OCA2: variants seen among roughly 807,000 people sequenced by gnomAD.
OCA2 encodes the protein OCA2 melanosomal transmembrane protein.
A neutral mutation model predicts 100.2 loss-of-function variants in OCA2; 77 were observed. That is an observed-to-expected ratio of 0.77 (90% CI 0.64 to 0.93). OCA2 has a LOEUF of 0.93. Ranked by LOEUF, OCA2 falls within the 40% of genes least tolerant of loss-of-function variation. The pLI is 0.00. For missense variants in OCA2, 1,062 were observed against 1,089.1 expected (o/e 0.98, Z 0.35); for synonymous variants, 432 against 439.2 (o/e 0.98, Z 0.21).
chr15:27,913,875 G>GAAAGAAAGAAAGAA (rs2038522815), intron 19 of OCA2, among the ~76,000 whole-genome samples: 10 of 52,650 alleles, frequency 1.9e-4, no homozygotes, highest in Admixed American at 9.6e-4. Context: ...AAGAAAGAAA[G>GAAAGAAAGAAAGAA]AAAGAAAGAA....
chr15:28,003,950 C>A (rs1387951237), intron 9 of OCA2, among the ~76,000 whole-genome samples: 2 of 152,238 alleles, frequency 1.3e-5, no homozygotes, highest in African/African-American at 2.4e-5. Flanking sequence ...AGGGACTCAA[C>A]CTGTCCCTTC....
At chr15:27,724,665 A>ATCC in the OCA2 span, among the ~76,000 whole-genome samples, 2 of 152,050 alleles carry the variant, frequency 1.3e-5, no homozygotes, top group Non-Finnish European at 2.9e-5. Context: ...AGAAACCTCC[A>ATCC]TCAGAGTCCG....
chr15:27,993,119 G>A (rs569261147), intron 9 of OCA2, among the ~76,000 whole-genome samples: 201 of 152,166 alleles, frequency 1.3e-3, no homozygotes, highest in Admixed American at 3.9e-3. Flanking sequence ...GCGAGACCCC[G>A]TCTCAAACAA....
At chr15:28,092,177 T>C (rs894655085) in intron 1 of OCA2, among the ~76,000 whole-genome samples, 63 of 152,024 alleles carry the variant, frequency 4.1e-4, no homozygotes, top group African/African-American at 1.4e-3. Context: ...GGTAAATCCA[T>C]AGGGAAATAA....
intron 23 of OCA2, among the ~76,000 whole-genome samples, chr15:27,834,283 T>C (rs2035066941): frequency 6.6e-6 from 1 of 152,194 alleles, no homozygotes. Context: ...TCCATGTTGG[T>C]GAACGAATTC....
intron 15 of OCA2, among the ~76,000 whole-genome samples, chr15:27,959,231 T>G (rs2040331323): frequency 6.6e-6 from 1 of 152,236 alleles, no homozygotes; most frequent in Non-Finnish European, 1.5e-5. Context: ...ATATGGATGC[T>G]TTGTAGCTTA....
chr15:28,012,339 G>A (rs1360548449), intron 9 of OCA2, among the ~76,000 whole-genome samples: 6 of 152,170 alleles, frequency 3.9e-5, no homozygotes, highest in South Asian at 2.1e-4. Context: ...AGAACAAGCC[G>A]TGTAGGGAGA....
intron 15 of OCA2, among the ~76,000 whole-genome samples, chr15:27,963,728 C>G (rs1351664299): frequency 6.6e-6 from 1 of 151,384 alleles, no homozygotes; most frequent in East Asian, 1.9e-4. Context: ...AATAAGCAAG[C>G]CTGAAAGTAA....
At chr15:27,993,302 A>C (rs1237564584) in intron 9 of OCA2, among the ~76,000 whole-genome samples, 27 of 152,166 alleles carry the variant, frequency 1.8e-4, no homozygotes, top group Admixed American at 1.8e-3. Flanking sequence ...GAACTATGAT[A>C]ATCCACTTTG....
At chr15:27,982,710 T>C (rs2041208044) in intron 14 of OCA2, among the ~76,000 whole-genome samples, 1 of 152,058 alleles carries the variant, frequency 6.6e-6, no homozygotes, top group South Asian at 2.1e-4. Context: ...ATAACACCAA[T>C]GTGGAAGCAT....
intron 2 of OCA2, among the ~76,000 whole-genome samples, chr15:28,066,117 C>A (rs1198108567): frequency 1.3e-5 from 2 of 151,936 alleles, no homozygotes; most frequent in Admixed American, 1.3e-4. Flanking sequence ...TTTTATGTAC[C>A]AACACTGAAC....
intron 2 of OCA2, among the ~76,000 whole-genome samples, chr15:28,079,863 G>A (rs1448967761): frequency 9.2e-5 from 14 of 151,980 alleles, no homozygotes; most frequent in Admixed American, 8.5e-4. Context: ...GCACCTGTCA[G>A]CACCTCCCCA....
At chr15:28,071,405 G>GA (rs1299609971) in intron 2 of OCA2, among the ~76,000 whole-genome samples, 2 of 152,112 alleles carry the variant, frequency 1.3e-5, no homozygotes, top group Non-Finnish European at 2.9e-5. Context: ...TACAGATTCA[G>GA]AAAAAACACT....
rs143530599 is a variant in OCA2 at position 27,836,479 on chromosome 15, C to T, written c.2432+8480G>A. On this transcript the variant is annotated intron_variant, in intron 23 of 23. Transcript: ENST00000354638. ...AAATATAACATGTGGATGAGACTAA[C>T]TTTGAAATTTACGTTCAGAAAATAT... Among the ~76,000 whole-genome samples the T allele has an allele frequency of 6.6e-3, 1,005 of 152,132 alleles. 17 individuals carry two copies. Among genetic ancestry groups the T allele is most frequent in the African/African-American group, 0.023 (946 of 41,494 alleles).
At chr15:28,074,159 C>A (rs1222335049) in intron 2 of OCA2, among the ~76,000 whole-genome samples, 2 of 152,178 alleles carry the variant, frequency 1.3e-5, no homozygotes, top group African/African-American at 4.8e-5. Flanking sequence ...AGGGCTCACA[C>A]CATTTGATTT....
At chr15:27,974,653 A>C (rs557827735) in intron 14 of OCA2, among the ~76,000 whole-genome samples, 23 of 152,322 alleles carry the variant, frequency 1.5e-4, no homozygotes, top group African/African-American at 5.5e-4. Flanking sequence ...CTGTAATCCC[A>C]GCTACTCAGG....
intron 18 of OCA2, among the ~76,000 whole-genome samples, chr15:27,942,254 A>G (rs1315581677): frequency 6.7e-6 from 1 of 148,274 alleles, no homozygotes; most frequent in Non-Finnish European, 1.5e-5. Context: ...GATATACATA[A>G]TATATATGAT....
chr15:28,088,619 C>T (rs2044819086), intron 1 of OCA2, among the ~76,000 whole-genome samples: 3 of 152,114 alleles, frequency 2.0e-5, no homozygotes, highest in South Asian at 2.1e-4. Context: ...GCTGGGCATC[C>T]AGGGGAGACA....
chr15:27,768,047 C>T (rs114932862), intron 23 of OCA2, among the ~76,000 whole-genome samples: 1 of 152,116 alleles, frequency 6.6e-6, no homozygotes, highest in Non-Finnish European at 1.5e-5. Flanking sequence ...CGGCTTCCAG[C>T]TGAAAGCGGT....
Sources: allele counts gnomAD v4.1 joint callset (sites outside exome capture counted in the v4.1 genomes callset), GRCh38; gene constraint gnomAD v4.1.1; transcripts MANE v1.5; gene names NCBI Gene and HGNC (gene_info 2026-07-23, HGNC 2026-07-21).